LPP: variants seen among roughly 807,000 people sequenced by gnomAD.
LPP encodes the protein LIM domain containing preferred translocation partner in lipoma.
LPP carries 38 observed loss-of-function variants against 60.4 expected under a neutral mutation model. That is an observed-to-expected ratio of 0.63 (90% CI 0.49 to 0.83). The LOEUF is 0.83. Among genes scored for constraint, LPP ranks in the 40% least tolerant of loss-of-function variants. LPP has a pLI of 0.00. For synonymous variants in LPP, 328 were observed against 290.8 expected (o/e 1.13, Z -1.30); for missense variants, 902 against 783.6 (o/e 1.15, Z -1.80).
At chr3:188,614,076 C>T (rs997956519) in intron 7 of LPP, among the ~76,000 whole-genome samples, 7 of 151,628 alleles carry the variant, frequency 4.6e-5, no homozygotes, top group Non-Finnish European at 8.8e-5. Flanking sequence ...TACAGGCTCC[C>T]GCCACCACGC....
intron 2 of LPP, among the ~76,000 whole-genome samples, chr3:188,245,098 T>C (rs960376149): frequency 2.0e-5 from 3 of 152,092 alleles, no homozygotes; most frequent in African/African-American, 7.2e-5. Flanking sequence ...TTCTGCCTTG[T>C]TTCCCACCCT....
intron 7 of LPP, among the ~76,000 whole-genome samples, chr3:188,664,575 TTGG>T (rs1213214898): frequency 6.6e-6 from 1 of 152,018 alleles, no homozygotes; most frequent in Non-Finnish European, 1.5e-5. Context: ...TCTTTAGCTA[TTGG>T]TGGGGAAGAT....
intron 6 of LPP, among the ~76,000 whole-genome samples, chr3:188,560,864 T>C (rs1830514275): frequency 6.6e-6 from 1 of 152,068 alleles, no homozygotes; most frequent in South Asian, 2.1e-4. Flanking sequence ...TTCATTAGTA[T>C]TGAAGTCTCA....
intron 6 of LPP, among the ~76,000 whole-genome samples, chr3:188,528,188 C>A (rs13068285): frequency 1.3e-5 from 2 of 151,656 alleles, no homozygotes; most frequent in Non-Finnish European, 2.9e-5. Context: ...CCACCATGCC[C>A]AGCTAATTTT....
At chr3:188,411,562 T>A (rs968032304) in intron 4 of LPP, among the ~76,000 whole-genome samples, 1 of 152,204 alleles carries the variant, frequency 6.6e-6, no homozygotes, top group Non-Finnish European at 1.5e-5. Context: ...GTTCCATCAC[T>A]TTCTATTCTG....
At chr3:188,641,816 G>A (rs1272957451) in intron 7 of LPP, among the ~76,000 whole-genome samples, 1 of 152,156 alleles carries the variant, frequency 6.6e-6, no homozygotes, top group Non-Finnish European at 1.5e-5. Flanking sequence ...TTCACATGGG[G>A]ACTAGGCAGC....
chr3:188,325,982 G>A (rs542031558), intron 2 of LPP, among the ~76,000 whole-genome samples: 1 of 151,998 alleles, frequency 6.6e-6, no homozygotes, highest in Non-Finnish European at 1.5e-5. Context: ...GATATATCCC[G>A]GGAGAAAATA....
At chr3:188,716,204 T>TGG (rs1713929747) in intron 8 of LPP, among the ~76,000 whole-genome samples, 1 of 152,214 alleles carries the variant, frequency 6.6e-6, no homozygotes, top group Non-Finnish European at 1.5e-5. Context: ...AACTAGGCCT[T>TGG]CATTTTTCAA....
chr3:188,877,951 A>T lies in LPP; in HGVS notation c.*3472A>T. ...TTAAGGGGGTGGACTTATCAACACT[A>T]TAATTGTTCCCTATGAAAGATTCCA... On this transcript the variant is annotated 3_prime_UTR_variant, in exon 12 of 12. Coordinates refer to ENST00000617246, the MANE Select transcript of LPP (RefSeq NM_001375462.1). 4.7e-6 allele frequency: 1 copy of T among 214,296 alleles called. No individual in the cohort carries two copies. Among genetic ancestry groups the T allele is most frequent in the East Asian group, 7.0e-5 (1 of 14,322 alleles). 13.3% of individuals were successfully genotyped at this position (214,296 alleles called of 1,614,324 possible).
rs565034031 is a variant in LPP, at chr3:188,475,292, C to A, written c.194-9300C>A. ...AATTTGAGAATCTCAAAGAGCATTTCAAGCTAAGTTATTTAGAAAGATGAC... is the reference window on the plus strand; with the variant it reads ...AATTTGAGAATCTCAAAGAGCATTTAAAGCTAAGTTATTTAGAAAGATGAC... On this transcript the variant is annotated intron_variant, in intron 4 of 11. Transcript: ENST00000617246. Among the ~76,000 whole-genome samples, 17 of 152,266 alleles carry A rather than the reference C, an allele frequency of 1.1e-4. No individual in the cohort carries two copies. In the South Asian group the frequency reaches 3.1e-3, roughly 28 times the overall value.
intron 7 of LPP, among the ~76,000 whole-genome samples, chr3:188,660,247 AC>A (rs950210098): frequency 2.0e-5 from 3 of 152,174 alleles, no homozygotes; most frequent in African/African-American, 4.8e-5. Context: ...AACTTTGTTT[AC>A]CTACAATAAT....
intron 1 of LPP, among the ~76,000 whole-genome samples, chr3:188,200,972 T>C (rs1429750176): frequency 6.6e-6 from 1 of 152,212 alleles, no homozygotes; most frequent in African/African-American, 2.4e-5. Context: ...ATTAATACCC[T>C]GAAAAAACAG....
chr3:188,286,450 A>G (rs76390125), intron 2 of LPP, among the ~76,000 whole-genome samples: 1 of 152,210 alleles, frequency 6.6e-6, no homozygotes, highest in Non-Finnish European at 1.5e-5. Context: ...CTCTAGGTGG[A>G]TGAGAAAGTC....
chr3:188,730,204 G>A (rs993196570), intron 8 of LPP, among the ~76,000 whole-genome samples: 1 of 152,154 alleles, frequency 6.6e-6, no homozygotes, highest in Admixed American at 6.5e-5. Context: ...TCAAGATCCT[G>A]ATGCTTACTT....
intron 2 of LPP, among the ~76,000 whole-genome samples, chr3:188,329,899 G>A (rs1759512692): frequency 2.0e-5 from 3 of 152,148 alleles, no homozygotes; most frequent in African/African-American, 7.2e-5. Flanking sequence ...AATTAAAGTT[G>A]TTAAAAGTCA....
intron 3 of LPP, among the ~76,000 whole-genome samples, chr3:188,361,813 C>T (rs2150956354): frequency 6.6e-6 from 1 of 152,210 alleles, no homozygotes; most frequent in South Asian, 2.1e-4. Flanking sequence ...AATGATTTGC[C>T]CATTTTGGCT....
chr3:188,225,131 T>C (rs1717265565), intron 1 of LPP, among the ~76,000 whole-genome samples: 1 of 152,228 alleles, frequency 6.6e-6, no homozygotes, highest in South Asian at 2.1e-4. Flanking sequence ...AATTTGAGTA[T>C]CTAACTGACT....
intron 3 of LPP, among the ~76,000 whole-genome samples, chr3:188,395,880 C>T (rs1378905823): frequency 6.6e-6 from 1 of 151,932 alleles, no homozygotes; most frequent in African/African-American, 2.4e-5. Context: ...TACCACTGCA[C>T]TACAGCTTGG....
chr3:188,656,433 C>T (rs1313380095), intron 7 of LPP, among the ~76,000 whole-genome samples: 3 of 152,108 alleles, frequency 2.0e-5, no homozygotes, highest in Non-Finnish European at 4.4e-5. Flanking sequence ...TGTTTGAGAT[C>T]CCAAATCAAA....
Sources: allele counts gnomAD v4.1 joint callset (sites outside exome capture counted in the v4.1 genomes callset), GRCh38; gene constraint gnomAD v4.1.1; transcripts MANE v1.5; gene names NCBI Gene and HGNC (gene_info 2026-07-23, HGNC 2026-07-21).